EDC3: variants seen among roughly 807,000 people sequenced by gnomAD.
EDC3 encodes the protein enhancer of mRNA decapping 3, also known as enhancer of mRNA-decapping protein 3.
A neutral mutation model predicts 41.8 loss-of-function variants in EDC3; 20 were observed. The ratio of observed to expected loss-of-function variants is 0.48; its 90% confidence interval spans 0.34 to 0.70. EDC3 has a LOEUF of 0.70. Among genes scored for constraint, EDC3 ranks in the 30% least tolerant of loss-of-function variants. The pLI, the probability that EDC3 is intolerant of heterozygous loss-of-function variation, is 0.01. For missense variants in EDC3, 444 were observed against 636.8 expected (o/e 0.70, Z 3.26); for synonymous variants, 206 against 243.2 (o/e 0.85, Z 1.42).
chr15:74,635,173 A>G, intron 6 of EDC3: 1 of 688,860 alleles, frequency 1.5e-6, no homozygotes, highest in South Asian at 1.5e-5. Flanking sequence ...GTGCCTGTTC[A>G]ACGAATATTT....
intron 3 of EDC3, among the ~76,000 whole-genome samples, chr15:74,658,084 C>T (rs764425107): frequency 3.3e-5 from 5 of 152,100 alleles, no homozygotes; most frequent in Non-Finnish European, 5.9e-5. Flanking sequence ...CTCCAAACCA[C>T]CCACCCCCAG....
chr15:74,655,479 C>G (rs2062535013), intron 4 of EDC3, among the ~76,000 whole-genome samples: 1 of 152,118 alleles, frequency 6.6e-6, no homozygotes, highest in Non-Finnish European at 1.5e-5. Context: ...TTACTCACAG[C>G]ATACTAAATA....
At chr15:74,642,652 G>A (rs1192473020) in intron 4 of EDC3, 2 of 152,204 alleles carry the variant, frequency 1.3e-5, no homozygotes, top group African/African-American at 4.8e-5. Flanking sequence ...CTTTCTGTTA[G>A]ATTTGAAATG....
chr15:74,688,205 A>C (rs1390401202), intron 1 of EDC3, among the ~76,000 whole-genome samples: 1 of 152,246 alleles, frequency 6.6e-6, no homozygotes, highest in Non-Finnish European at 1.5e-5. Context: ...TAAAACAAGT[A>C]CAGTGCCCAT....
At chr15:74,660,433 ATGTG>A (rs1491159607) in intron 3 of EDC3, among the ~76,000 whole-genome samples, 1 of 47,158 alleles carries the variant, frequency 2.1e-5, no homozygotes, top group African/African-American at 5.4e-5. Flanking sequence ...ATATATATAT[ATGTG>A]TGTGTGTGTG....
At chr15:74,675,330 T>C (rs577731127) in intron 1 of EDC3, among the ~76,000 whole-genome samples, 188 bp from the exon 2 acceptor site, 1 of 152,060 alleles carries the variant, frequency 6.6e-6, no homozygotes, top group East Asian at 1.9e-4. Flanking sequence ...TAAAAAATAA[T>C]ATTATTTAAT....
intron 4 of EDC3, among the ~76,000 whole-genome samples, chr15:74,649,077 T>G (rs962074764): frequency 1.4e-5 from 2 of 147,566 alleles, no homozygotes; most frequent in Non-Finnish European, 3.0e-5. Context: ...TTTTTTTTTT[T>G]TTTTTGAGAC....
intron 4 of EDC3, among the ~76,000 whole-genome samples, chr15:74,646,423 T>G (rs759726761): frequency 1.3e-4 from 20 of 152,178 alleles, no homozygotes; most frequent in African/African-American, 4.8e-4. Flanking sequence ...GGTGCAAACT[T>G]CAGAAAATAA....
chr15:74,684,149 C>A (rs185683969), intron 1 of EDC3, among the ~76,000 whole-genome samples: 1 of 149,548 alleles, frequency 6.7e-6, no homozygotes, highest in East Asian at 1.9e-4. Flanking sequence ...GTGATCCTCC[C>A]GCCTCAGCCT....
intron 2 of EDC3, among the ~76,000 whole-genome samples, chr15:74,672,426 T>C (rs193115137): frequency 6.6e-6 from 1 of 152,320 alleles, no homozygotes; most frequent in Non-Finnish European, 1.5e-5. Flanking sequence ...CCCTGCACTA[T>C]GAACTATTTT....
chr15:74,640,846 A>C (rs1174393005), intron 4 of EDC3: 1 of 559,912 alleles, frequency 1.8e-6, no homozygotes, highest in Non-Finnish European at 3.1e-6. Context: ...GAGTGGGGAC[A>C]AACTTAAGCT....
chr15:74,670,931 C>T (rs1443569189), intron 3 of EDC3, among the ~76,000 whole-genome samples: 2 of 152,110 alleles, frequency 1.3e-5, no homozygotes, highest in Non-Finnish European at 2.9e-5. Flanking sequence ...GGATGAGACT[C>T]AAATCACAGG....
intron 3 of EDC3, among the ~76,000 whole-genome samples, chr15:74,666,318 C>T (rs2062676626): frequency 6.6e-6 from 1 of 152,048 alleles, no homozygotes; most frequent in Non-Finnish European, 1.5e-5. Context: ...ACATAAGTTT[C>T]TTGAAAAATA....
At chr15:74,639,391 T>C (rs1466364721) in intron 5 of EDC3, 1 of 152,210 alleles carries the variant, frequency 6.6e-6, no homozygotes, top group Non-Finnish European at 1.5e-5. Flanking sequence ...TCTCTGCCCT[T>C]GGCACATGCT....
At chr15:74,693,076 A>C (rs1369264060) in intron 1 of EDC3, 1 of 152,220 alleles carries the variant, frequency 6.6e-6, no homozygotes, top group Non-Finnish European at 1.5e-5. Flanking sequence ...CCATATCTTC[A>C]AACTTTTGAC....
intron 4 of EDC3, among the ~76,000 whole-genome samples, chr15:74,645,994 G>A (rs948795898): frequency 1.3e-5 from 2 of 151,556 alleles, no homozygotes; most frequent in African/African-American, 2.4e-5. Context: ...AACAGCCGGG[G>A]AAACAGAGAA....
intron 1 of EDC3, among the ~76,000 whole-genome samples, chr15:74,677,645 T>C (rs1005737323): frequency 2.6e-5 from 4 of 152,124 alleles, no homozygotes; most frequent in African/African-American, 9.7e-5. Flanking sequence ...GCTAGGTTTA[T>C]AGGCATGAGC....
chr15:74,682,637 A>G (rs1035036285), intron 1 of EDC3, among the ~76,000 whole-genome samples: 11 of 148,494 alleles, frequency 7.4e-5, no homozygotes, highest in Non-Finnish European at 1.3e-4. Flanking sequence ...AAAAAAAAAA[A>G]CCAAAAAACT....
intron 1 of EDC3, among the ~76,000 whole-genome samples, chr15:74,694,606 T>C (rs2063044820): frequency 1.3e-5 from 2 of 152,252 alleles, no homozygotes; most frequent in South Asian, 4.1e-4. Context: ...GTGCCCGGCC[T>C]TAATATTTTT....
Sources: gnomAD v4.1 joint callset for allele counts (sites outside exome capture counted in the v4.1 genomes callset) on GRCh38, gnomAD v4.1.1 for gene constraint, MANE v1.5 for transcripts, NCBI Gene and HGNC (gene_info 2026-07-23, HGNC 2026-07-21) for gene names.